The following WIPF1 variants were observed in gnomAD, a reference collection of about 807,000 sequenced individuals.
WIPF1 encodes WAS/WASL interacting protein family member 1.
A neutral mutation model predicts 35.4 loss-of-function variants in WIPF1; 13 were observed. The observed-to-expected ratio is 0.37, with a 90% confidence interval of 0.24 to 0.58. The LOEUF (loss-of-function observed/expected upper bound fraction) is 0.58, where lower values mean the gene tolerates loss of function less well. WIPF1 is among the 20% of genes least tolerant of loss of function. The pLI is 0.74. For synonymous variants in WIPF1, 267 were observed against 266.3 expected, an observed-to-expected ratio of 1.00 and a Z score of -0.02; for missense variants, 591 against 667.0, an observed-to-expected ratio of 0.89 and a Z score of 1.25.
chr2:174,633,099 A>G (rs1687077330), intron 1 of WIPF1, among the ~76,000 whole-genome samples: 1 of 152,192 alleles, frequency 6.6e-6, no homozygotes, highest in African/African-American at 2.4e-5. Flanking sequence ...CAGAGCTAGC[A>G]CGGGGTTTCT....
chr2:174,660,523 A>C (rs1687736383), intron 1 of WIPF1, among the ~76,000 whole-genome samples: 1 of 151,954 alleles, frequency 6.6e-6, no homozygotes. Flanking sequence ...CACCCTAGGG[A>C]GGGGGGAACA....
At chr2:174,631,586 G>C (rs958792597) in intron 1 of WIPF1, among the ~76,000 whole-genome samples, 3 of 152,154 alleles carry the variant, frequency 2.0e-5, no homozygotes, top group African/African-American at 7.2e-5. Context: ...TAATGGTTAA[G>C]ATGGTAAATT....
chr2:174,609,380 A>G (rs1686274527), intron 1 of WIPF1, among the ~76,000 whole-genome samples: 1 of 152,228 alleles, frequency 6.6e-6, no homozygotes, highest in Non-Finnish European at 1.5e-5. Flanking sequence ...TGTTTTGTTC[A>G]GATATTTACC....
intron 1 of WIPF1, among the ~76,000 whole-genome samples, chr2:174,605,333 G>A (rs1233790160): frequency 6.6e-6 from 1 of 152,130 alleles, no homozygotes; most frequent in Non-Finnish European, 1.5e-5. Context: ...AGCTACTCAG[G>A]AGGCTAAGGC....
At chr2:174,651,094 C>T (rs777100833) in intron 1 of WIPF1, among the ~76,000 whole-genome samples, 1 of 152,204 alleles carries the variant, frequency 6.6e-6, no homozygotes, top group Non-Finnish European at 1.5e-5. Flanking sequence ...AATGTCCTGA[C>T]GTTCAAACTT....
At position 174,567,896 on chromosome 2, in the gene WIPF1, G is replaced by A. The variant is rs754680076; in HGVS notation, c.1307C>T (p.Ser436Phe). Reference protein sequence around the residue: ...GAPPPPPPSTSIRNGFQDSPC... With the variant: ...GAPPPPPPSTFIRNGFQDSPC... ...AGAGTCTTGGAAGCCATTTCTAATA[G>A]ATGTTGATGGTGGAGGTGGGGGAGG... Residue 436 changes from serine (S) to phenylalanine (F), a missense_variant, in exon 6 of 8, where the codon TCT becomes TTT. Around this residue, in one of 3 missense-constraint regions of WIPF1, gnomAD observed 117 missense variants for 149.6 expected, o/e 0.78. Coordinates refer to ENST00000679041, the MANE Select transcript of WIPF1 (RefSeq NM_001375834.1). 6.2e-7 allele frequency: 1 copy of A among 1,609,636 alleles called. No individual in the cohort carries two copies. Among genetic ancestry groups the A allele is most frequent in the East Asian group, 2.2e-5 (1 of 44,814 alleles).
At chr2:174,597,324 G>A (rs1024447408) in intron 1 of WIPF1, among the ~76,000 whole-genome samples, 1 of 152,156 alleles carries the variant, frequency 6.6e-6, no homozygotes, top group Non-Finnish European at 1.5e-5. Context: ...CAATTTAAAT[G>A]GGAAAATAAA....
chr2:174,582,568 A>G (rs1685275997), intron 2 of WIPF1, among the ~76,000 whole-genome samples: 1 of 152,206 alleles, frequency 6.6e-6, no homozygotes, highest in South Asian at 2.1e-4. Context: ...TTTTTTAGAG[A>G]CAGAGTCTCA....
At position 174,656,148 on chromosome 2, in the gene WIPF1, CA is replaced by C. The variant is rs1292711093; in HGVS notation, c.-39+26625del. ...CTGACTCTACATGGAGAGAGAAGCC[CA>C]GCCATCCCTGTTTCCCAGCTGAGTC... On this transcript the variant is annotated intron_variant, in intron 1 of 8. Transcript: ENST00000272746. The C allele has an allele frequency of 4.6e-5, 7 of 152,428 alleles. No homozygotes were observed. In the East Asian group the frequency reaches 1.3e-3, roughly 29 times the overall value. 9.4% of individuals were successfully genotyped at this position (152,428 alleles called of 1,614,324 possible). A position where few individuals can be genotyped will look rare whatever the true frequency, so the allele number is the denominator to read the frequency against.
At position 174,562,408 on chromosome 2, in the gene WIPF1, C is replaced by T. The variant is rs186474442; in HGVS notation, c.*139G>A. ...TTTCTTACCGATTCCCACCCACACA[C>T]GCATATTCCCACTCCCCCTCCCACC... On this transcript the variant is annotated 3_prime_UTR_variant, in exon 8 of 8. Coordinates refer to ENST00000679041, the MANE Select transcript of WIPF1 (RefSeq NM_001375834.1). The T allele has an allele frequency of 5.0e-4, 771 of 1,529,016 alleles. 1 individual carries two copies. In the African/African-American group the frequency reaches 8.1e-3, roughly 16 times the overall value. 94.7% of individuals were successfully genotyped at this position (1,529,016 alleles called of 1,614,324 possible).
intron 1 of WIPF1, among the ~76,000 whole-genome samples, chr2:174,630,088 CCATTATACA>C (rs1686972477): frequency 6.6e-6 from 1 of 152,078 alleles, no homozygotes; most frequent in Non-Finnish European, 1.5e-5. Context: ...AGAATTCCTC[CCATTATACA>C]CACACACATA....
intron 1 of WIPF1, among the ~76,000 whole-genome samples, chr2:174,607,167 G>A (rs1399448197): frequency 6.6e-6 from 1 of 152,172 alleles, no homozygotes; most frequent in East Asian, 1.9e-4. Context: ...CCTTTGGGAG[G>A]CTGAGGCAGG....
intron 2 of WIPF1, among the ~76,000 whole-genome samples, chr2:174,584,540 G>A (rs1685340055): frequency 6.6e-6 from 1 of 152,098 alleles, no homozygotes; most frequent in Non-Finnish European, 1.5e-5. Flanking sequence ...CGTATCTTGG[G>A]GCCTTTCCAT....
intron 5 of WIPF1, among the ~76,000 whole-genome samples, chr2:174,569,284 C>CCCAG (rs1347759952): frequency 6.6e-6 from 1 of 152,190 alleles, no homozygotes; most frequent in Non-Finnish European, 1.5e-5. Context: ...GGAGGCACTG[C>CCCAG]CCAGCCCTGA....
intron 2 of WIPF1, 40 bp downstream of exon 2, chr2:174,585,483 T>A: frequency 6.2e-7 from 1 of 1,605,418 alleles, no homozygotes. Context: ...TCATTTGGCT[T>A]GCTTTATGCA....
At chr2:174,643,442 T>G (rs1268690224) in intron 1 of WIPF1, among the ~76,000 whole-genome samples, 2 of 149,104 alleles carry the variant, frequency 1.3e-5, no homozygotes, top group Admixed American at 6.6e-5. Flanking sequence ...AGACAGAGTC[T>G]CACTCCATTA....
At chr2:174,604,806 G>A (rs753502232) in intron 1 of WIPF1, among the ~76,000 whole-genome samples, 1 of 152,140 alleles carries the variant, frequency 6.6e-6, no homozygotes, top group Non-Finnish European at 1.5e-5. Flanking sequence ...TTCAACATTC[G>A]GGATTATGGT....
intron 1 of WIPF1, among the ~76,000 whole-genome samples, chr2:174,657,910 C>CAA (rs56717056): frequency 6.9e-4 from 66 of 95,816 alleles, no homozygotes; most frequent in African/African-American, 1.0e-3. Context: ...AACTCTGTCT[C>CAA]AAAAAAAAAA....
In WIPF1 at chr2:174,646,580, T is replaced by C. The variant is rs1687412724; in HGVS notation, c.-39+36194A>G. Among the ~76,000 whole-genome samples, 8 of 152,272 alleles carry C rather than the reference T, an allele frequency of 5.3e-5. No individual in the cohort carries two copies. The South Asian group carries it at 1.7e-3, about 32-fold the overall frequency. The stretch of plus-strand genomic sequence containing the variant: ...AAATTTTATTCTCGGGAAATCTATA[T>C]TAGAATTTCTCACAAGAAAGGCAAC... On this transcript the variant is annotated intron_variant, in intron 1 of 8. Coordinates refer to the WIPF1 transcript ENST00000272746.
Sources: gnomAD v4.1 joint callset for allele counts (sites outside exome capture counted in the v4.1 genomes callset) on GRCh38, gnomAD v4.1.1 for gene constraint, gnomAD v4.1.1 regional missense constraint, MANE v1.5 for transcripts, NCBI Gene and HGNC (gene_info 2026-07-23, HGNC 2026-07-21) for gene names.